The following P3H2 variants were observed in gnomAD, a reference collection of about 807,000 sequenced individuals.
P3H2 encodes the protein leprecan-like 1.
In P3H2, 80 loss-of-function variants were observed where a neutral mutation model predicts 87.0. The observed-to-expected ratio is 0.92, with a 90% CI of 0.77 to 1.11. The LOEUF (loss-of-function observed/expected upper bound fraction) is 1.11, where lower values mean the gene tolerates loss of function less well. Ranked by LOEUF, P3H2 falls within the 50% of genes least tolerant of loss-of-function variation. P3H2 has a pLI of 0.00. For missense variants in P3H2, 1,001 were observed against 923.9 expected (o/e 1.08, Z -1.08); for synonymous variants, 367 against 359.3 (o/e 1.02, Z -0.24).
chr3:189,975,761 T>A (rs532846332), intron 8 of P3H2, among the ~76,000 whole-genome samples: 1 of 152,202 alleles, frequency 6.6e-6, no homozygotes, highest in Non-Finnish European at 1.5e-5. Flanking sequence ...ACTGTCTAAA[T>A]GTTTATTAGT....
intron 1 of P3H2, among the ~76,000 whole-genome samples, chr3:190,096,097 A>C (rs1033145536): frequency 2.0e-5 from 3 of 152,236 alleles, no homozygotes; most frequent in African/African-American, 7.2e-5. Context: ...CAGCGTGTAC[A>C]CAGAGCACAA....
intron 1 of P3H2, 89 bp downstream of exon 1, chr3:190,120,163 G>T (rs537250367): frequency 3.4e-6 from 5 of 1,470,736 alleles, no homozygotes; most frequent in African/African-American, 2.8e-5. Context: ...TCGAAAGACT[G>T]AACAGAGATG....
chr3:190,092,496 C>T (rs938647576), intron 1 of P3H2, among the ~76,000 whole-genome samples: 1 of 152,202 alleles, frequency 6.6e-6, no homozygotes, highest in Non-Finnish European at 1.5e-5. Context: ...TCATTAGGAG[C>T]TACATCTTGC....
intron 1 of P3H2, among the ~76,000 whole-genome samples, chr3:190,061,290 G>A (rs1726324467): frequency 6.6e-6 from 1 of 152,082 alleles, no homozygotes; most frequent in Non-Finnish European, 1.5e-5. Flanking sequence ...TAACGCCATA[G>A]GAATCCCAAT....
At chr3:190,016,993 T>C (rs1258420440) in intron 1 of P3H2, among the ~76,000 whole-genome samples, 1 of 152,218 alleles carries the variant, frequency 6.6e-6, no homozygotes, top group Non-Finnish European at 1.5e-5. Context: ...ACTGAATCAA[T>C]GTGGTTAATT....
At chr3:189,986,748 T>C (rs750906482) in intron 6 of P3H2, 40 bp downstream of exon 6, 13 of 1,370,656 alleles carry the variant, frequency 9.5e-6, no homozygotes, top group Non-Finnish European at 2.1e-6. Flanking sequence ...AGGATTCCAC[T>C]GAATCATTAT....
At chr3:189,964,272 T>C (rs932871308) in intron 13 of P3H2, among the ~76,000 whole-genome samples, 174 bp from the exon 14 acceptor site, 1 of 152,168 alleles carries the variant, frequency 6.6e-6, no homozygotes, top group African/African-American at 2.4e-5. Context: ...AAAACAAAGG[T>C]AAGGTCAAAA....
chr3:190,100,664 A>G (rs191404560), intron 1 of P3H2, among the ~76,000 whole-genome samples: 3 of 152,300 alleles, frequency 2.0e-5, no homozygotes, highest in African/African-American at 7.2e-5. Flanking sequence ...ACTCTAATAC[A>G]GTTTCCAAAA....
chr3:190,042,579 A>T (rs983179427), intron 1 of P3H2, among the ~76,000 whole-genome samples: 2 of 152,206 alleles, frequency 1.3e-5, no homozygotes, highest in Non-Finnish European at 2.9e-5. Flanking sequence ...GTAATAAAAG[A>T]TTTTCAAAAT....
intron 1 of P3H2, among the ~76,000 whole-genome samples, chr3:190,041,076 ACACACT>A (rs1156941771): frequency 0.025 from 1,107 of 44,330 alleles, 87 homozygotes; most frequent in Middle Eastern, 0.044. Context: ...ACACACACAC[ACACACT>A]CTCTCTCTCT....
At position 189,971,878 on chromosome 3, in the gene P3H2, T is replaced by G; in HGVS notation, c.1817+12A>C. ...GGTAAAAGCTTTGTTTTGAAGCAGG[T>G]TCTAGCTATACCTATAGTCTCGAAA... is the stretch of plus-strand genomic sequence containing the variant. On this transcript the variant is annotated intron_variant, in intron 12 of 14. Coordinates refer to ENST00000319332, the MANE Select transcript of P3H2 (RefSeq NM_018192.4). 1 of 1,483,046 alleles carries G rather than the reference T, an allele frequency of 6.7e-7. No homozygotes were observed. Among genetic ancestry groups the G allele is most frequent in the Non-Finnish European group, 9.4e-7 (1 of 1,060,346 alleles). The allele number at this position is 1,483,046 out of a possible 1,614,324, so 91.9% of individuals were successfully genotyped here. A position where few individuals can be genotyped will look rare whatever the true frequency, so the allele number is the denominator to read the frequency against.
At chr3:190,081,733 T>A (rs1560392693) in intron 1 of P3H2, among the ~76,000 whole-genome samples, 1 of 152,206 alleles carries the variant, frequency 6.6e-6, no homozygotes, top group Non-Finnish European at 1.5e-5. Context: ...AACCCTTGAA[T>A]GATGAATTCA....
chr3:190,010,232 TAAG>T (rs1309393964), intron 1 of P3H2, among the ~76,000 whole-genome samples: 1 of 152,072 alleles, frequency 6.6e-6, no homozygotes, highest in Non-Finnish European at 1.5e-5. Flanking sequence ...ATTTTGCAAA[TAAG>T]AAGAATGAAG....
intron 13 of P3H2, among the ~76,000 whole-genome samples, chr3:189,970,286 T>A (rs1028038218): frequency 2.3e-4 from 32 of 138,460 alleles, no homozygotes; most frequent in African/African-American, 8.4e-4. Flanking sequence ...GTATATATAT[T>A]ATATATATAT....
intron 8 of P3H2, among the ~76,000 whole-genome samples, chr3:189,975,293 C>T (rs1333274454): frequency 6.6e-6 from 1 of 152,156 alleles, no homozygotes; most frequent in African/African-American, 2.4e-5. Context: ...CCCTTAGGCA[C>T]CTACTCTCTT....
chr3:190,049,181 G>A (rs1484624250), intron 1 of P3H2, among the ~76,000 whole-genome samples: 1 of 152,152 alleles, frequency 6.6e-6, no homozygotes, highest in Non-Finnish European at 1.5e-5. Flanking sequence ...AATCTCGAAG[G>A]TGTGATAAAA....
At chr3:189,987,712 T>C in intron 4 of P3H2, 43 bp from the exon 5 acceptor site, 1 of 1,613,584 alleles carries the variant, frequency 6.2e-7, no homozygotes, top group Non-Finnish European at 8.5e-7. Flanking sequence ...AGCCTAGGTC[T>C]GTCCAAAGGA....
Position 189,993,826 on chromosome 3 carries a change from A to G in P3H2, c.823+268T>C, listed in dbSNP as rs116767666. ...AACAACAAAAGTTGAAAAACATTAT[A>G]TATAGTATTGTCCTATTTTATAAAA... On this transcript the variant is annotated intron_variant, in intron 3 of 14. Transcript: ENST00000319332. Among the ~76,000 whole-genome samples the G allele has an allele frequency of 2.6e-3, 400 of 152,196 alleles. 2 individuals are homozygous for G. Among genetic ancestry groups the G allele is most frequent in the South Asian group, 0.021 (100 of 4,834 alleles).
At chr3:189,994,537 T>A (rs1723986948) in intron 2 of P3H2, among the ~76,000 whole-genome samples, 1 of 152,184 alleles carries the variant, frequency 6.6e-6, no homozygotes, top group Non-Finnish European at 1.5e-5. Flanking sequence ...AATGTCGTTT[T>A]TTTCCTTAGC....
Sources: gnomAD v4.1 joint callset for allele counts (sites outside exome capture counted in the v4.1 genomes callset) on GRCh38, gnomAD v4.1.1 for gene constraint, MANE v1.5 for transcripts, NCBI Gene and HGNC (gene_info 2026-07-23, HGNC 2026-07-21) for gene names.